Variants in ETV1 observed in about 807,000 individuals in gnomAD.
ETV1 encodes ETS variant transcription factor 1.
In ETV1, 27 loss-of-function variants were observed where a neutral mutation model predicts 62.3. That is an observed-to-expected ratio of 0.43 (90% CI 0.32 to 0.60). ETV1 has a LOEUF of 0.60. Among genes scored for constraint, ETV1 ranks in the 20% least tolerant of loss-of-function variants. ETV1 has a pLI of 0.06. For synonymous variants in ETV1, 222 were observed against 199.6 expected (o/e 1.11, Z -0.94); for missense variants, 605 against 605.8 (o/e 1.00, Z 0.01).
intron 6 of ETV1, among the ~76,000 whole-genome samples, chr7:13,976,842 G>A (rs1779521601): frequency 6.6e-6 from 1 of 152,148 alleles, no homozygotes; most frequent in Admixed American, 6.5e-5. Context: ...GGAAAGGAAC[G>A]CAGAAGGAAG....
intron 6 of ETV1, among the ~76,000 whole-genome samples, chr7:13,973,076 T>C (rs1236154813): frequency 6.6e-6 from 1 of 152,230 alleles, no homozygotes; most frequent in Non-Finnish European, 1.5e-5. Context: ...TCAAGTGTTG[T>C]GATTTAATCT....
chr7:13,896,292 G>A (rs1781768260), intron 13 of ETV1, among the ~76,000 whole-genome samples: 1 of 151,984 alleles, frequency 6.6e-6, no homozygotes, highest in Admixed American at 6.6e-5. Flanking sequence ...CAAGGGAGAT[G>A]CAAAATGTTG....
At chr7:13,932,044 CCACACA>C (rs60981382) in intron 8 of ETV1, among the ~76,000 whole-genome samples, 5 of 148,056 alleles carry the variant, frequency 3.4e-5, no homozygotes, top group Middle Eastern at 3.6e-3. Flanking sequence ...TTTTACACAC[CCACACA>C]CACACACACA....
At chr7:13,934,706 T>C (rs912517997) in intron 8 of ETV1, among the ~76,000 whole-genome samples, 2 of 152,210 alleles carry the variant, frequency 1.3e-5, no homozygotes, top group East Asian at 3.8e-4. Context: ...ATTATACACC[T>C]GAGGTTACTT....
intron 9 of ETV1, among the ~76,000 whole-genome samples, chr7:13,918,356 G>C (rs1369612207): frequency 6.6e-6 from 1 of 152,174 alleles, no homozygotes; most frequent in Non-Finnish European, 1.5e-5. Flanking sequence ...GTGTAAAAGT[G>C]TTCCTATTTC....
At chr7:13,910,416 G>A (rs867167418) in intron 10 of ETV1, 1 of 177,808 alleles carries the variant, frequency 5.6e-6, no homozygotes. Flanking sequence ...TGGTCTTTAT[G>A]GTGGGTATAT....
intron 13 of ETV1, among the ~76,000 whole-genome samples, chr7:13,899,586 C>T (rs915665208): frequency 2.0e-5 from 3 of 152,122 alleles, no homozygotes; most frequent in African/African-American, 7.2e-5. Flanking sequence ...CAATCTATAA[C>T]ATGTAACTAT....
At position 13,961,295 on chromosome 7, in the gene ETV1, T is replaced by C. The variant is rs1259391795; in HGVS notation, c.235+16132A>G. 2.0e-5 allele frequency among the ~76,000 whole-genome samples: 3 copies of C among 152,174 alleles called. No individual in the cohort carries two copies. The East Asian group carries it at 5.8e-4, about 29-fold the overall frequency. ...ATTGATTGATTGGAAAAGTAGCTAT[T>C]TTATAAGGTGATCTTTGGTCATTCA... is the stretch of plus-strand genomic sequence containing the variant. On this transcript the variant is annotated intron_variant, in intron 6 of 13. Transcript: ENST00000430479.
chr7:13,958,148 AAT>A (rs1482459711), intron 6 of ETV1, among the ~76,000 whole-genome samples: 1 of 152,192 alleles, frequency 6.6e-6, no homozygotes, highest in Non-Finnish European at 1.5e-5. Context: ...ATTTGTTTTA[AAT>A]ATGGTTAACT....
At chr7:13,935,251 T>C (rs76762980) in intron 8 of ETV1, among the ~76,000 whole-genome samples, 8,420 of 152,204 alleles carry the variant, frequency 0.055, 698 homozygotes, top group African/African-American at 0.18. Context: ...GTCAACAGTT[T>C]TAATCAAATA....
At chr7:13,979,455 A>T (rs1187994496) in intron 5 of ETV1, among the ~76,000 whole-genome samples, 1 of 152,052 alleles carries the variant, frequency 6.6e-6, no homozygotes, top group Non-Finnish European at 1.5e-5. Context: ...TTTTTTTGAC[A>T]CTGCAGAAAA....
chr7:13,898,196 A>C (rs191887992), intron 13 of ETV1, among the ~76,000 whole-genome samples: 97 of 152,348 alleles, frequency 6.4e-4, no homozygotes, highest in Non-Finnish European at 1.1e-3. Flanking sequence ...AACGTGCAAA[A>C]TGCTGTACAT....
intron 6 of ETV1, among the ~76,000 whole-genome samples, chr7:13,944,776 A>C (rs1787956588): frequency 6.6e-6 from 1 of 152,132 alleles, no homozygotes; most frequent in South Asian, 2.1e-4. Flanking sequence ...TCAACACCAG[A>C]ATCTCTTATT....
intron 13 of ETV1, among the ~76,000 whole-genome samples, chr7:13,896,927 T>TA (rs1328231368): frequency 1.3e-5 from 2 of 151,554 alleles, no homozygotes; most frequent in Admixed American, 1.3e-4. Context: ...GTAAGAGGTG[T>TA]AAAAAAGTGA....
At chr7:13,920,791 A>G (rs1169679838) in intron 9 of ETV1, among the ~76,000 whole-genome samples, 2 of 152,242 alleles carry the variant, frequency 1.3e-5, no homozygotes, top group African/African-American at 4.8e-5. Flanking sequence ...ATAGTGGGCC[A>G]GAGTACTGAT....
intron 5 of ETV1, among the ~76,000 whole-genome samples, chr7:13,984,484 A>C (rs1031412365): frequency 1.3e-5 from 2 of 152,018 alleles, no homozygotes; most frequent in African/African-American, 4.8e-5. Flanking sequence ...ACAAAAAAAA[A>C]GTGGAGTCTA....
chr7:13,965,459 T>A (rs115833550), intron 6 of ETV1, among the ~76,000 whole-genome samples: 70 of 152,290 alleles, frequency 4.6e-4, no homozygotes, highest in Middle Eastern at 3.4e-3. Context: ...GCAGATTTTT[T>A]TTTTTCAGAA....
chr7:13,942,461 T>C (rs1056937259), intron 6 of ETV1, among the ~76,000 whole-genome samples: 17 of 152,182 alleles, frequency 1.1e-4, no homozygotes, highest in African/African-American at 4.1e-4. Flanking sequence ...ATTATATAGG[T>C]AAGCTCGTGT....
chr7:13,989,235 C>A, intron 2 of ETV1, 33 bp downstream of exon 2: 1 of 577,836 alleles, frequency 1.7e-6, no homozygotes, highest in Non-Finnish European at 3.0e-6. Context: ...GTCCCATTCA[C>A]AAAAATAACC....
Sources: gnomAD v4.1 joint callset for allele counts (sites outside exome capture counted in the v4.1 genomes callset) on GRCh38, gnomAD v4.1.1 for gene constraint, MANE v1.5 for transcripts, NCBI Gene and HGNC (gene_info 2026-07-23, HGNC 2026-07-21) for gene names.